TAFA4: variants seen among roughly 807,000 people sequenced by gnomAD.
TAFA4 encodes chemokine-like protein TAFA-4.
A neutral mutation model predicts 21.1 loss-of-function variants in TAFA4; 20 were observed. The ratio of observed to expected loss-of-function variants is 0.95; its 90% confidence interval spans 0.67 to 1.38. The LOEUF (loss-of-function observed/expected upper bound fraction) is 1.38. Among genes scored for constraint, TAFA4 ranks in the 40% most tolerant of loss-of-function variants. The pLI, the probability that TAFA4 is intolerant of heterozygous loss-of-function variation, is 0.00. For missense variants in TAFA4, 211 were observed against 180.9 expected, an observed-to-expected ratio of 1.17 and a Z score of -0.95; for synonymous variants, 71 against 67.4, an observed-to-expected ratio of 1.05 and a Z score of -0.26.
chr3:68,737,510 C>T (rs112018980), intron 5 of TAFA4, among the ~76,000 whole-genome samples: 5 of 152,190 alleles, frequency 3.3e-5, no homozygotes, highest in South Asian at 2.1e-4. Flanking sequence ...CCGCAATTCA[C>T]GTTGAAAATG....
chr3:68,836,286 G>T (rs918468784), intron 3 of TAFA4, among the ~76,000 whole-genome samples: 3 of 152,176 alleles, frequency 2.0e-5, no homozygotes, highest in Non-Finnish European at 2.9e-5. Flanking sequence ...AGGATTGTTT[G>T]CCAAACCACA....
chr3:68,900,081 C>CA (rs3048091), intron 1 of TAFA4, among the ~76,000 whole-genome samples: 57 of 137,828 alleles, frequency 4.1e-4, no homozygotes, highest in Non-Finnish European at 5.8e-4. Flanking sequence ...TCTACACACA[C>CA]AAAAAAAAAA....
At chr3:68,735,352 G>A (rs1339004880) in intron 5 of TAFA4, among the ~76,000 whole-genome samples, 2 of 152,102 alleles carry the variant, frequency 1.3e-5, no homozygotes, top group Admixed American at 1.3e-4. Flanking sequence ...AACCTGGGCA[G>A]GGAGCTTACC....
intron 3 of TAFA4, among the ~76,000 whole-genome samples, chr3:68,761,725 G>C (rs1461809497): frequency 6.6e-6 from 1 of 152,182 alleles, no homozygotes; most frequent in African/African-American, 2.4e-5. Context: ...GATCAGAGCA[G>C]ATTAAAGAGG....
intron 2 of TAFA4, among the ~76,000 whole-genome samples, chr3:68,884,235 C>T (rs2089648639): frequency 6.6e-6 from 1 of 152,206 alleles, no homozygotes; most frequent in Non-Finnish European, 1.5e-5. Flanking sequence ...GCTGCATTTC[C>T]CAGGCTCCCA....
intron 3 of TAFA4, among the ~76,000 whole-genome samples, chr3:68,757,187 C>A (rs908636662): frequency 3.3e-5 from 5 of 152,062 alleles, no homozygotes; most frequent in African/African-American, 4.8e-5. Context: ...AGATGTCAGC[C>A]TGTTCAATTC....
chr3:68,817,080 G>C (rs1380366499), intron 3 of TAFA4, among the ~76,000 whole-genome samples: 1 of 152,162 alleles, frequency 6.6e-6, no homozygotes, highest in Non-Finnish European at 1.5e-5. Flanking sequence ...AGCATGTGAT[G>C]CTGTTTGAAA....
chr3:68,915,275 T>G (rs2089993342), intron 1 of TAFA4, among the ~76,000 whole-genome samples: 2 of 152,232 alleles, frequency 1.3e-5, no homozygotes, highest in African/African-American at 4.8e-5. Flanking sequence ...ACTAGAACAC[T>G]ATTACAAGAT....
intron 4 of TAFA4, among the ~76,000 whole-genome samples, chr3:68,743,523 C>G (rs1397361985): frequency 6.6e-6 from 1 of 150,764 alleles, no homozygotes; most frequent in Non-Finnish European, 1.5e-5. Context: ...TTGCAGTGAG[C>G]CGAGATCGCG....
rs777235819 is a variant in TAFA4 at position 68,735,931 on chromosome 3, C to T, written c.412-2778G>A. Among the ~76,000 whole-genome samples, 6 of 152,088 alleles carry T rather than the reference C, an allele frequency of 3.9e-5. No individual in the cohort carries two copies. The South Asian group carries it at 8.3e-4, about 21-fold the overall frequency. On this transcript the variant is annotated intron_variant, in intron 5 of 5. Coordinates refer to ENST00000295569, the MANE Select transcript of TAFA4 (RefSeq NM_182522.5). ...TCCCTGGCCTCTACCCACAAGATGC[C>T]AGTAGCATCCTCACAATGTGTGATG...
chr3:68,890,313 T>C (rs375187519), intron 1 of TAFA4, among the ~76,000 whole-genome samples: 4 of 152,158 alleles, frequency 2.6e-5, no homozygotes, highest in African/African-American at 7.2e-5. Context: ...TCTATGAACT[T>C]TTCATTAAAT....
intron 3 of TAFA4, among the ~76,000 whole-genome samples, chr3:68,801,241 G>A (rs937356055): frequency 2.0e-5 from 3 of 151,946 alleles, no homozygotes; most frequent in Admixed American, 1.3e-4. Context: ...TCTCATCCAC[G>A]TCCCCCTGGG....
At chr3:68,908,501 TA>T (rs2089925566) in intron 1 of TAFA4, among the ~76,000 whole-genome samples, 1 of 135,030 alleles carries the variant, frequency 7.4e-6, no homozygotes, top group South Asian at 2.7e-4. Flanking sequence ...ACAGCCACTC[TA>T]AAAAATCAGA....
At chr3:68,808,455 T>C (rs1374828352) in intron 3 of TAFA4, among the ~76,000 whole-genome samples, 1 of 152,208 alleles carries the variant, frequency 6.6e-6, no homozygotes, top group African/African-American at 2.4e-5. Context: ...GTGTTGACTA[T>C]CTAGACCCAA....
intron 3 of TAFA4, among the ~76,000 whole-genome samples, chr3:68,859,451 T>A (rs554918873): frequency 1.3e-5 from 2 of 152,234 alleles, no homozygotes; most frequent in South Asian, 4.1e-4. Flanking sequence ...CTGTTTATTG[T>A]TTAACAGAAC....
chr3:68,861,483 C>T (rs550645556), intron 3 of TAFA4, among the ~76,000 whole-genome samples: 1 of 152,132 alleles, frequency 6.6e-6, no homozygotes, highest in Admixed American at 6.5e-5. Flanking sequence ...ACACCTGCCC[C>T]TAACCTTTAG....
intron 3 of TAFA4, among the ~76,000 whole-genome samples, chr3:68,832,789 A>G (rs1377914044): frequency 6.6e-6 from 1 of 152,242 alleles, no homozygotes; most frequent in African/African-American, 2.4e-5. Context: ...CCCTGCCTCC[A>G]GAGGCGGAAT....
intron 3 of TAFA4, among the ~76,000 whole-genome samples, chr3:68,853,833 A>C (rs1056159274): frequency 1.3e-5 from 2 of 152,122 alleles, no homozygotes; most frequent in African/African-American, 2.4e-5. Context: ...CTCAGTTGTT[A>C]CTGTTATTAT....
chr3:68,881,426 T>C (rs952864941), intron 2 of TAFA4, among the ~76,000 whole-genome samples: 2 of 152,114 alleles, frequency 1.3e-5, no homozygotes, highest in Non-Finnish European at 2.9e-5. Flanking sequence ...AAACAGTTGC[T>C]CAAAAACAAT....
Sources: gnomAD v4.1 joint callset for allele counts (sites outside exome capture counted in the v4.1 genomes callset) on GRCh38, gnomAD v4.1.1 for gene constraint, MANE v1.5 for transcripts, NCBI Gene and HGNC (gene_info 2026-07-23, HGNC 2026-07-21) for gene names.